The following ZNF30 variants were observed in gnomAD, a reference collection of about 807,000 sequenced individuals.
ZNF30 encodes the protein zinc finger protein 30 (KOX 28).
ZNF30 carries 15 observed loss-of-function variants against 13.2 expected under a neutral mutation model. The ratio of observed to expected loss-of-function variants is 1.13; its 90% CI spans 0.76 to 1.75. ZNF30 has a LOEUF of 1.75. Ranked by LOEUF, ZNF30 falls within the 40% of genes most tolerant of loss-of-function variation. The pLI, the probability that ZNF30 is intolerant of heterozygous loss-of-function variation, is 0.00. For synonymous variants in ZNF30, 223 were observed against 256.6 expected, an observed-to-expected ratio of 0.87 and a Z score of 1.25; for missense variants, 726 against 757.0, an observed-to-expected ratio of 0.96 and a Z score of 0.48.
intron 3 of ZNF30, 149 bp downstream of exon 3, chr19:34,932,142 T>C: frequency 1.3e-6 from 1 of 761,694 alleles, no homozygotes; most frequent in South Asian, 3.4e-5. Flanking sequence ...AATGATCCAG[T>C]GGCAGGATTA....
chr19:34,930,508 A>T (rs1165604746), intron 2 of ZNF30, among the ~76,000 whole-genome samples: 1 of 152,126 alleles, frequency 6.6e-6, no homozygotes, highest in Non-Finnish European at 1.5e-5. Flanking sequence ...GACCTGCCAG[A>T]CTTGGACAAC....
At chr19:34,928,501 T>C (rs1177436758) in intron 1 of ZNF30, among the ~76,000 whole-genome samples, 1 of 151,994 alleles carries the variant, frequency 6.6e-6, no homozygotes, top group Non-Finnish European at 1.5e-5. Flanking sequence ...CAGTATGCTA[T>C]TATAGTTGTT....
In ZNF30 at chr19:34,933,632, T is replaced by C. The variant is rs758540341; in HGVS notation, c.165T>C (p.His55=). Residue 55 remains histidine, a synonymous_variant, in exon 4 of 5, where the codon CAT becomes CAC. Transcript: ENST00000601142. ...ACATTCTTATCTCATAAGCAGGACATTCCCGTTCTAAACCACATGTGATCG... is the reference window on the plus strand; with the variant it reads ...ACATTCTTATCTCATAAGCAGGACACTCCCGTTCTAAACCACATGTGATCG... ...ENYRNLVSMG[H]SRSKPHVIAL... 1.3e-6 allele frequency: 2 copies of C among 1,594,912 alleles called. No individual in the cohort carries two copies. Among genetic ancestry groups the C allele is most frequent in the Admixed American group, 1.7e-5 (1 of 57,306 alleles).
chr19:34,944,947 A>C lies in ZNF30; in HGVS notation c.*109A>C. On this transcript the variant is annotated 3_prime_UTR_variant, in exon 5 of 5. Coordinates refer to ENST00000601142, the MANE Select transcript of ZNF30 (RefSeq NM_194325.3). ...AAATGTGAAGAATATTGGCAGGTCT[A>C]TTCTCATCTTATAATTCATAATATA... is the stretch of plus-strand genomic sequence containing the variant. 9.9e-7 allele frequency: 1 copy of C among 1,005,996 alleles called. No homozygotes were observed. Among genetic ancestry groups the C allele is most frequent in the Non-Finnish European group, 1.4e-6 (1 of 717,642 alleles). 62.3% of individuals were successfully genotyped at this position (1,005,996 alleles called of 1,614,324 possible).
intron 2 of ZNF30, among the ~76,000 whole-genome samples, chr19:34,931,441 GCTATTTT>G (rs1337006720): frequency 6.6e-6 from 1 of 152,152 alleles, no homozygotes; most frequent in Non-Finnish European, 1.5e-5. Context: ...TTGTGTCATG[GCTATTTT>G]CTAAGACAGA....
At chr19:34,926,165 C>T (rs1003521362), upstream of ZNF30, among the ~76,000 whole-genome samples, 2 of 152,140 alleles carry the variant, frequency 1.3e-5, no homozygotes, top group Non-Finnish European at 2.9e-5. Flanking sequence ...CAGAGGGAGA[C>T]CCTGTCTCAA....
upstream of ZNF30, chr19:34,926,670 T>C: frequency 3.2e-6 from 1 of 314,078 alleles, no homozygotes; most frequent in Non-Finnish European, 5.8e-6. Flanking sequence ...GTTAAAGTAA[T>C]AACATATTTT....
chr19:34,923,995 T>C (rs1453624721), upstream of ZNF30, among the ~76,000 whole-genome samples: 1 of 152,182 alleles, frequency 6.6e-6, no homozygotes, highest in Non-Finnish European at 1.5e-5. Context: ...CCAGAGAAAG[T>C]TTCCTGAGGG....
chr19:34,929,832 G>A, intron 1 of ZNF30, 52 bp from the exon 2 acceptor site: 1 of 923,924 alleles, frequency 1.1e-6, no homozygotes, highest in Non-Finnish European at 1.6e-6. Flanking sequence ...GTTTATTAAT[G>A]TATGTCATTG....
chr19:34,940,233 C>T (rs2012967293), intron 4 of ZNF30, among the ~76,000 whole-genome samples: 1 of 152,192 alleles, frequency 6.6e-6, no homozygotes, highest in Non-Finnish European at 1.5e-5. Context: ...TTTCTGTTCT[C>T]AGTGTCCCCT....
chr19:34,943,903 G>T lies in ZNF30; in HGVS notation c.937G>T (p.Glu313Ter). The change falls in exon 5 of 5, where the codon GAG becomes TAG. Residue 313 changes from glutamate to a stop codon, truncating the protein, a stop_gained. Transcript: ENST00000601142. LOFTEE classifies it low-confidence loss of function (END_TRUNC). ...LAKHQRIHTG[E>*]KPYECKECGK... ...TAAGCATCAGAGAATTCATACTGGC[G>T]AGAAACCCTATGAATGTAAGGAGTG... is the stretch of plus-strand genomic sequence containing the variant. The T allele has an allele frequency of 6.2e-7, 1 of 1,614,124 alleles. No homozygotes were observed. The highest frequency in any genetic ancestry group is 1.1e-5 in the South Asian group (1 of 91,082).
intron 4 of ZNF30, 103 bp from the exon 5 acceptor site, chr19:34,943,120 G>T (rs2013128244): frequency 2.7e-5 from 20 of 729,824 alleles, no homozygotes; most frequent in South Asian, 1.5e-4. Flanking sequence ...TAATATTACT[G>T]AGCTATTTAT....
intron 3 of ZNF30, among the ~76,000 whole-genome samples, chr19:34,932,429 A>T (rs2012499576): frequency 6.6e-6 from 1 of 152,210 alleles, no homozygotes; most frequent in South Asian, 2.1e-4. Flanking sequence ...TGAACTTTGC[A>T]TTTAAGAGTA....
chr19:34,936,860 C>CTA (rs2012768306), intron 4 of ZNF30, among the ~76,000 whole-genome samples: 1 of 152,080 alleles, frequency 6.6e-6, no homozygotes, highest in Non-Finnish European at 1.5e-5. Context: ...CGCACCACTG[C>CTA]ACTCTAGCCT....
chr19:34,928,220 A>AAAATATATATAT (rs1555778254), intron 1 of ZNF30, among the ~76,000 whole-genome samples: 145 of 73,252 alleles, frequency 2.0e-3, no homozygotes, highest in Non-Finnish European at 2.1e-3. Flanking sequence ...AAAAAAAAAA[A>AAAATATATATAT]ATATATATAT....
At chr19:34,933,396 T>C (rs1378003864) in intron 3 of ZNF30, among the ~76,000 whole-genome samples, 1 of 152,060 alleles carries the variant, frequency 6.6e-6, no homozygotes. Flanking sequence ...GAGGTTGCAG[T>C]GAGCTGAGAT....
chr19:34,929,062 C>G lies in ZNF30; in HGVS notation c.-64-822C>G, dbSNP rs368450900. Among the ~76,000 whole-genome samples, 375 of 152,138 alleles carry G rather than the reference C, an allele frequency of 2.5e-3. 13 individuals carry two copies. The highest frequency in any genetic ancestry group is 8.6e-3 in the African/African-American group (356 of 41,536). On this transcript the variant is annotated intron_variant, in intron 1 of 4. Coordinates refer to ENST00000601142, the MANE Select transcript of ZNF30 (RefSeq NM_194325.3). ...CTTTGGGAGGCTGAGGCGGGCGGAT[C>G]ACGAAGTCAGGAGATGGAGACCATC...
Position 34,944,311 on chromosome 19 carries a change from G to T in ZNF30, c.1345G>T (p.Val449Phe). The T allele has an allele frequency of 1.2e-6, 2 of 1,613,302 alleles. No individual in the cohort carries two copies. The highest frequency in any genetic ancestry group is 1.7e-5 in the Admixed American group (1 of 59,952). Residue 449 changes from valine to phenylalanine, a missense_variant, in exon 5 of 5, where the codon GTT becomes TTT. Coordinates refer to ENST00000601142, the MANE Select transcript of ZNF30 (RefSeq NM_194325.3). ...CCATCAGCTTACCGTACATCAAAGG[G>T]TTCATACTGGAGAGAAACCCTATGA... is the stretch of plus-strand genomic sequence containing the variant. Reference protein sequence around the residue: ...SRHQLTVHQRVHTGEKPYECK... With the variant: ...SRHQLTVHQRFHTGEKPYECK...
Position 34,944,525 on chromosome 19 carries a change from C to T in ZNF30, c.1559C>T (p.Ala520Val). 3 of 1,614,004 alleles carry T rather than the reference C, an allele frequency of 1.9e-6. No individual in the cohort carries two copies. The highest frequency in any genetic ancestry group is 2.5e-6 in the Non-Finnish European group (3 of 1,179,998). ...KPYECKECGKAFSSGSYLVQH... is the reference protein window; with the variant it reads ...KPYECKECGKVFSSGSYLVQH... Reference sequence around the variant, plus strand: ...TATGAGTGTAAGGAGTGTGGCAAGGCCTTCAGTTCTGGCTCATACCTTGTT... The same window carrying T: ...TATGAGTGTAAGGAGTGTGGCAAGGTCTTCAGTTCTGGCTCATACCTTGTT... The change falls in exon 5 of 5, where the codon GCC (alanine) becomes GTC (valine). Residue 520 changes from alanine to valine, a missense_variant. By Grantham distance (64) the Ala-to-Val change is moderately conservative (BLOSUM62 0). Transcript: ENST00000601142.
Sources: allele counts gnomAD v4.1 joint callset (sites outside exome capture counted in the v4.1 genomes callset), GRCh38; gene constraint gnomAD v4.1.1; transcripts MANE v1.5; gene names NCBI Gene and HGNC (gene_info 2026-07-23, HGNC 2026-07-21).